Variants in IL19 observed in about 807,000 individuals in gnomAD.
IL19 encodes the protein interleukin 19.
Under a neutral mutation model 19.5 loss-of-function variants are expected in IL19, and 15 were observed. The ratio of observed to expected loss-of-function variants is 0.77; its 90% CI spans 0.52 to 1.19. The LOEUF (loss-of-function observed/expected upper bound fraction) is 1.19, where lower values mean the gene tolerates loss of function less well. Among genes scored for constraint, IL19 ranks in the 50% most tolerant of loss-of-function variants. The probability of loss-of-function intolerance (pLI) is 0.00; values close to 1 mark genes in which losing one functional copy is unlikely to be tolerated. For synonymous variants in IL19, 78 were observed against 78.3 expected (o/e 1.00, Z 0.02); for missense variants, 199 against 213.1 (o/e 0.93, Z 0.41).
At position 206,842,657 on chromosome 1, in the gene IL19, C is replaced by A. The variant is rs1677057768; in HGVS notation, c.*35C>A. 3 of 1,297,260 alleles carry A rather than the reference C, an allele frequency of 2.3e-6. No individual in the cohort carries two copies. The highest frequency in any genetic ancestry group is 2.0e-5 in the Admixed American group (1 of 50,532). 80.4% of individuals were successfully genotyped at this position (1,297,260 alleles called of 1,614,324 possible). ...ACCTGTATAGTGATCCAGGGATGAA[C>A]ACCCCCTGTGCGGTTTACTGTGGGA... On this transcript the variant is annotated 3_prime_UTR_variant, in exon 7 of 7. Coordinates refer to ENST00000659997, the MANE Select transcript of IL19 (RefSeq NM_153758.5).
chr1:206,829,147 C>A (rs1046526006), intron 2 of IL19: 1 of 151,956 alleles, frequency 6.6e-6, no homozygotes, highest in African/African-American at 2.4e-5. Flanking sequence ...CTGTGCCCAG[C>A]CTGAATTCAA....
intron 1 of IL19, among the ~76,000 whole-genome samples, chr1:206,783,036 CCATG>C (rs1675184509): frequency 6.6e-6 from 1 of 152,170 alleles, no homozygotes; most frequent in African/African-American, 2.4e-5. Context: ...TCGTCTCATC[CCATG>C]CAGATTTGCC....
chr1:206,799,268 C>A (rs576630573), intron 2 of IL19, among the ~76,000 whole-genome samples: 2 of 152,152 alleles, frequency 1.3e-5, no homozygotes, highest in South Asian at 2.1e-4. Flanking sequence ...TATCTGCATA[C>A]CCCTTCCCCA....
chr1:206,813,034 T>C lies in IL19; in HGVS notation c.-3+14028T>C, dbSNP rs370349713. ...TATATGCTGAATAGTTGCATTTTGT[T>C]GGGAGGAAATGAATTGTTTTGTGGT... On this transcript the variant is annotated intron_variant, in intron 2 of 6. Transcript: ENST00000659997. 4.6e-5 allele frequency among the ~76,000 whole-genome samples: 7 copies of C among 152,182 alleles called. No individual in the cohort carries two copies. In the East Asian group the frequency reaches 9.6e-4, roughly 21 times the overall value.
intron 2 of IL19, among the ~76,000 whole-genome samples, chr1:206,832,808 C>A (rs908822325): frequency 3.9e-5 from 6 of 152,194 alleles, no homozygotes; most frequent in African/African-American, 1.4e-4. Flanking sequence ...TATAGTCTAC[C>A]ACTTCCCTCA....
chr1:206,772,369 C>T, intron 1 of IL19: 2 of 1,614,130 alleles, frequency 1.2e-6, no homozygotes, highest in South Asian at 1.1e-5. Flanking sequence ...GACTGGGTGC[C>T]CTGGCCTGGG....
At chr1:206,826,097 A>G (rs1413549803) in intron 2 of IL19, among the ~76,000 whole-genome samples, 1 of 152,204 alleles carries the variant, frequency 6.6e-6, no homozygotes, top group African/African-American at 2.4e-5. Context: ...AACAATCTAA[A>G]GTAAAAGTGA....
At chr1:206,819,253 C>T (rs925118791) in intron 2 of IL19, among the ~76,000 whole-genome samples, 1 of 152,062 alleles carries the variant, frequency 6.6e-6, no homozygotes, top group South Asian at 2.1e-4. Flanking sequence ...AACCTACTAG[C>T]CACAAGTGGC....
chr1:206,807,996 A>T (rs1289229577), intron 2 of IL19, among the ~76,000 whole-genome samples: 3 of 152,242 alleles, frequency 2.0e-5, no homozygotes, highest in Non-Finnish European at 2.9e-5. Context: ...AAATAAACAC[A>T]TTCATTATAT....
At chr1:206,819,091 G>A (rs1052070329) in intron 2 of IL19, among the ~76,000 whole-genome samples, 7 of 151,776 alleles carry the variant, frequency 4.6e-5, no homozygotes, top group African/African-American at 7.2e-5. Flanking sequence ...GATTACAGGC[G>A]TGAGCCACCA....
At position 206,800,652 on chromosome 1, in the gene IL19, A is replaced by G. The variant is rs544250362; in HGVS notation, c.-3+1646A>G. Among the ~76,000 whole-genome samples, 9 of 152,342 alleles carry G rather than the reference A, an allele frequency of 5.9e-5. No individual in the cohort carries two copies. In the East Asian group the frequency reaches 1.3e-3, roughly 23 times the overall value. ...AAAGGAGACAGGAATGATGGTGATC[A>G]AGCCCTTCCAGATGAAGTCATTTAT... On this transcript the variant is annotated intron_variant, in intron 2 of 6. Transcript: ENST00000659997.
At chr1:206,840,215 C>T in intron 5 of IL19, 3 of 696,754 alleles carry the variant, frequency 4.3e-6, no homozygotes, top group African/African-American at 1.7e-5. Flanking sequence ...ATGGTCTCCT[C>T]CTAGATAACC....
intron 5 of IL19, 177 bp downstream of exon 5, chr1:206,840,179 C>T: frequency 1.3e-6 from 1 of 761,580 alleles, no homozygotes; most frequent in South Asian, 1.5e-5. Context: ...TTCCCCAGGG[C>T]TCCCTGCCTG....
chr1:206,788,635 G>C (rs566525326), intron 1 of IL19, among the ~76,000 whole-genome samples: 1 of 152,180 alleles, frequency 6.6e-6, no homozygotes, highest in Non-Finnish European at 1.5e-5. Flanking sequence ...CCAGGCCTCT[G>C]ACACCTCATC....
chr1:206,826,577 C>G (rs1346700351), intron 2 of IL19, among the ~76,000 whole-genome samples: 2 of 152,218 alleles, frequency 1.3e-5, no homozygotes, highest in South Asian at 2.1e-4. Flanking sequence ...GGCCAGCAGC[C>G]TCCAGTCCAC....
intron 2 of IL19, chr1:206,834,498 A>C: frequency 1.1e-6 from 1 of 935,476 alleles, no homozygotes; most frequent in Non-Finnish European, 1.3e-6. Context: ...ACCATTGTGT[A>C]TGGCTATGAT....
intron 2 of IL19, among the ~76,000 whole-genome samples, chr1:206,815,427 T>G (rs959564624): frequency 1.3e-5 from 2 of 152,226 alleles, no homozygotes; most frequent in Non-Finnish European, 2.9e-5. Context: ...GCAGCCAAAA[T>G]TTTACTCTTG....
At chr1:206,823,911 G>C (rs1156372692) in intron 2 of IL19, among the ~76,000 whole-genome samples, 1 of 152,188 alleles carries the variant, frequency 6.6e-6, no homozygotes, top group East Asian at 1.9e-4. Context: ...AAGCCATGGG[G>C]GTGGAGGCCC....
intron 1 of IL19, among the ~76,000 whole-genome samples, chr1:206,773,903 C>G (rs1674927338): frequency 6.6e-6 from 1 of 152,188 alleles, no homozygotes; most frequent in Non-Finnish European, 1.5e-5. Flanking sequence ...CTCCCTGTGT[C>G]TGTTTTTCAT....
Sources: allele counts gnomAD v4.1 joint callset (sites outside exome capture counted in the v4.1 genomes callset), GRCh38; gene constraint gnomAD v4.1.1; transcripts MANE v1.5; gene names NCBI Gene and HGNC (gene_info 2026-07-23, HGNC 2026-07-21).